GRIN2A: variants seen among roughly 807,000 people sequenced by gnomAD.
GRIN2A encodes glutamate receptor ionotropic, NMDA 2A.
In GRIN2A, 22 loss-of-function variants were observed where a neutral mutation model predicts 113.4. The observed-to-expected ratio is 0.19, with a 90% CI of 0.14 to 0.28. The LOEUF is 0.28. Ranked by LOEUF, GRIN2A falls within the 10% of genes least tolerant of loss-of-function variation. The probability of loss-of-function intolerance (pLI) is 1.00; values close to 1 mark genes in which losing one functional copy is unlikely to be tolerated. For synonymous variants in GRIN2A, 827 were observed against 738.4 expected, an observed-to-expected ratio of 1.12 and a Z score of -1.94; for missense variants, 1,502 against 1,887.0, an observed-to-expected ratio of 0.80 and a Z score of 3.78.
At chr16:9,885,722 CT>C (rs2043574239) in intron 4 of GRIN2A, among the ~76,000 whole-genome samples, 1 of 142,682 alleles carries the variant, frequency 7.0e-6, no homozygotes, top group South Asian at 2.2e-4. Context: ...GCGTGTAGTG[CT>C]GGGGGGGCAG....
intron 2 of GRIN2A, among the ~76,000 whole-genome samples, chr16:9,941,452 G>A (rs1380682079): frequency 2.6e-5 from 4 of 152,244 alleles, no homozygotes; most frequent in Non-Finnish European, 5.9e-5. Context: ...TTGGCCCAGA[G>A]CCAGCTCGGC....
intron 12 of GRIN2A, among the ~76,000 whole-genome samples, chr16:9,768,379 T>C (rs2284236): frequency 0.36 from 55,510 of 152,124 alleles, 11,111 homozygotes; most frequent in South Asian, 0.55. Context: ...AATTAGTTAC[T>C]AATATTTAAA....
chr16:9,837,461 G>A (rs112439660), intron 7 of GRIN2A, among the ~76,000 whole-genome samples: 1,885 of 152,208 alleles, frequency 0.012, 41 homozygotes, highest in African/African-American at 0.043. Flanking sequence ...CAATATTCAC[G>A]ACCCATTTTC....
intron 4 of GRIN2A, among the ~76,000 whole-genome samples, chr16:9,885,567 G>C (rs896225649): frequency 2.6e-5 from 4 of 152,170 alleles, no homozygotes; most frequent in African/African-American, 9.7e-5. Flanking sequence ...AGGGCTTGTC[G>C]TGTTTTCCCA....
At chr16:10,086,448 C>A (rs2048086497) in intron 2 of GRIN2A, among the ~76,000 whole-genome samples, 1 of 152,060 alleles carries the variant, frequency 6.6e-6, no homozygotes, top group Non-Finnish European at 1.5e-5. Context: ...GGCAAGATTG[C>A]AAACACATAA....
chr16:10,024,088 A>G (rs1190526681), intron 2 of GRIN2A, among the ~76,000 whole-genome samples: 1 of 152,198 alleles, frequency 6.6e-6, no homozygotes, highest in East Asian at 1.9e-4. Context: ...GAACCATGGC[A>G]TTCACCTCTC....
chr16:9,931,048 C>T (rs192187800), intron 3 of GRIN2A, among the ~76,000 whole-genome samples: 48 of 152,278 alleles, frequency 3.2e-4, no homozygotes, highest in Middle Eastern at 3.4e-3. Context: ...GGCCAAATAA[C>T]TTCCCTTCAA....
intron 2 of GRIN2A, among the ~76,000 whole-genome samples, chr16:10,081,928 T>C (rs138951689): frequency 1.9e-4 from 29 of 152,340 alleles, no homozygotes; most frequent in African/African-American, 5.3e-4. Context: ...GTAGAAATAG[T>C]TGTAGTCCTG....
chr16:10,151,942 G>A (rs1395142597), intron 2 of GRIN2A, among the ~76,000 whole-genome samples: 1 of 152,168 alleles, frequency 6.6e-6, no homozygotes, highest in African/African-American at 2.4e-5. Flanking sequence ...AAACCAGCAG[G>A]AAGAGAAATG....
At chr16:10,109,903 A>AT (rs1555481846) in intron 2 of GRIN2A, among the ~76,000 whole-genome samples, 2 of 150,474 alleles carry the variant, frequency 1.3e-5, no homozygotes, top group Non-Finnish European at 2.9e-5. Context: ...ATTTTTTTTA[A>AT]TTTTATTATT....
At chr16:9,976,176 T>C (rs2045770102) in intron 2 of GRIN2A, among the ~76,000 whole-genome samples, 1 of 152,206 alleles carries the variant, frequency 6.6e-6, no homozygotes, top group African/African-American at 2.4e-5. Context: ...GAGCCTCGTG[T>C]CACTTACATA....
intron 10 of GRIN2A, among the ~76,000 whole-genome samples, chr16:9,800,927 A>G (rs1040603576): frequency 6.6e-6 from 1 of 152,182 alleles, no homozygotes; most frequent in African/African-American, 2.4e-5. Flanking sequence ...ACTTGTGTAT[A>G]ATGGGAGTAG....
intron 2 of GRIN2A, among the ~76,000 whole-genome samples, chr16:10,107,785 T>C (rs2048527178): frequency 6.6e-6 from 1 of 152,192 alleles, no homozygotes; most frequent in East Asian, 1.9e-4. Context: ...CAACTCACAG[T>C]TGCAGATTTC....
intron 2 of GRIN2A, among the ~76,000 whole-genome samples, chr16:10,167,047 A>G (rs914249085): frequency 1.3e-5 from 2 of 152,210 alleles, no homozygotes; most frequent in Non-Finnish European, 2.9e-5. Flanking sequence ...AGTTTATGGG[A>G]ATCAAAAGTT....
chr16:10,092,762 C>T (rs538585001), intron 2 of GRIN2A, among the ~76,000 whole-genome samples: 1 of 152,140 alleles, frequency 6.6e-6, no homozygotes, highest in African/African-American at 2.4e-5. Flanking sequence ...TAAACGGTAA[C>T]TCAAGTCCCT....
intron 2 of GRIN2A, among the ~76,000 whole-genome samples, chr16:10,143,182 C>T (rs550395645): frequency 2.0e-5 from 3 of 152,312 alleles, no homozygotes; most frequent in Admixed American, 2.0e-4. Context: ...CACTGACTAA[C>T]TCTGTCTGGG....
intron 2 of GRIN2A, among the ~76,000 whole-genome samples, chr16:10,045,919 C>A (rs965109510): frequency 6.6e-6 from 1 of 152,196 alleles, no homozygotes; most frequent in Non-Finnish European, 1.5e-5. Flanking sequence ...GCTGGGTGGG[C>A]TGTCCTGTAC....
chr16:10,053,895 C>A (rs1376562830), intron 2 of GRIN2A, among the ~76,000 whole-genome samples: 5 of 147,930 alleles, frequency 3.4e-5, no homozygotes, highest in Non-Finnish European at 7.5e-5. Context: ...GAAACAAAGC[C>A]AAAGAAAGGA....
intron 2 of GRIN2A, among the ~76,000 whole-genome samples, chr16:10,021,123 C>G (rs1448139466): frequency 6.6e-6 from 1 of 152,122 alleles, no homozygotes; most frequent in Non-Finnish European, 1.5e-5. Flanking sequence ...AAGCCCACAG[C>G]CTTTGGAGAG....
Sources: allele counts gnomAD v4.1 joint callset (sites outside exome capture counted in the v4.1 genomes callset), GRCh38; gene constraint gnomAD v4.1.1; transcripts MANE v1.5; gene names NCBI Gene and HGNC (gene_info 2026-07-23, HGNC 2026-07-21).